SLIT1: variants seen among roughly 807,000 people sequenced by gnomAD.
SLIT1 encodes the protein slit guidance ligand 1, also known as slit homolog 1 protein.
In SLIT1, 66 loss-of-function variants were observed where a neutral mutation model predicts 186.1. That is an observed-to-expected ratio of 0.35 (90% CI 0.29 to 0.44). The LOEUF is 0.44. SLIT1 is among the 20% of genes least tolerant of loss of function. The pLI is 1.00. For missense variants in SLIT1, 1,638 were observed against 2,037.4 expected (o/e 0.80, Z 3.77); for synonymous variants, 761 against 833.8 (o/e 0.91, Z 1.50).
At position 97,060,721 on chromosome 10, in the gene SLIT1, G is replaced by C; in HGVS notation, c.860C>G (p.Thr287Ser). The C allele has an allele frequency of 6.2e-7, 1 of 1,613,826 alleles. No individual in the cohort carries two copies. Among genetic ancestry groups the C allele is most frequent in the Non-Finnish European group, 8.5e-7 (1 of 1,180,008 alleles). ...LSSGSCPAMC[T>S]CSNGIVDCRG... The stretch of plus-strand genomic sequence containing the variant: ...ACAGTCCACGATGCCATTGCTGCAG[G>C]TGCACATGGCCGGGCAGGAGCCGGA... The change falls in exon 9 of 37, where the codon ACC becomes AGC. Residue 287 changes from threonine (T) to serine (S), a missense_variant. Physicochemically the swap from Thr to Ser is moderately conservative, Grantham distance 58. This residue lies in a region of SLIT1 where 1,245 missense variants were observed against 1,535.3 expected (regional missense o/e 0.81). Transcript: ENST00000266058.
chr10:97,150,773 G>A (rs2134712563), intron 4 of SLIT1, among the ~76,000 whole-genome samples: 1 of 152,306 alleles, frequency 6.6e-6, no homozygotes, highest in African/African-American at 2.4e-5. Flanking sequence ...AGGCCAAGGA[G>A]GCGGCATGCG....
chr10:97,067,034 T>G (rs1007758044), intron 4 of SLIT1, among the ~76,000 whole-genome samples: 1 of 152,188 alleles, frequency 6.6e-6, no homozygotes, highest in African/African-American at 2.4e-5. Context: ...TTGGCTCCGG[T>G]GACCCAGTTG....
chr10:97,055,077 C>T (rs1351104444), intron 13 of SLIT1, among the ~76,000 whole-genome samples: 2 of 151,978 alleles, frequency 1.3e-5, no homozygotes, highest in Admixed American at 6.6e-5. Context: ...ATTAGCCAGG[C>T]GTGGTGACGG....
Position 97,004,122 on chromosome 10 carries a change from C to A in SLIT1, c.3811G>T (p.Asp1271Tyr). 6.2e-7 allele frequency: 1 copy of A among 1,613,854 alleles called. No homozygotes were observed. The highest frequency in any genetic ancestry group is 8.5e-7 in the Non-Finnish European group (1 of 1,179,730). The part of the protein sequence containing the change: ...SIDGGSPMTM[D>Y]NFGKHYTLNS... ...AGCGTGTAATGTTTGCCAAAGTTGT[C>A]CATGGTCATGGGGCTCCCGCCATCA... The change falls in exon 34 of 37, where the codon GAC (aspartate) becomes TAC (tyrosine). Residue 1271 changes from aspartate (D) to tyrosine (Y), a missense_variant. Physicochemically the swap from Asp to Tyr is radical, Grantham distance 160. Transcript: ENST00000266058. The surrounding 1 kb of genome is among the most constrained non-coding windows in gnomAD (Gnocchi z 5.1).
rs1363090796 is a variant in SLIT1 at position 97,000,622 on chromosome 10, C to T, written c.*490G>A. On this transcript the variant is annotated 3_prime_UTR_variant, in exon 37 of 37. Coordinates refer to ENST00000266058, the MANE Select transcript of SLIT1 (RefSeq NM_003061.3). The stretch of plus-strand genomic sequence containing the variant: ...CAGATTCTGTAGCAGCAGAATGAAC[C>T]AGGCTGGCTTCCCGGGGAGGCTGAC... 6.5e-6 allele frequency: 1 copy of T among 153,892 alleles called. No individual in the cohort carries two copies. Among genetic ancestry groups the T allele is most frequent in the Non-Finnish European group, 1.4e-5 (1 of 69,284 alleles). The allele number at this position is 153,892 out of a possible 1,614,324, so 9.5% of individuals were successfully genotyped here. A position where few individuals can be genotyped will look rare whatever the true frequency, so the allele number is the denominator to read the frequency against.
rs1291237584 is a variant in SLIT1, at chr10:97,043,835, C to T, written c.1854-322G>A. Among the ~76,000 whole-genome samples, 6 of 152,240 alleles carry T rather than the reference C, an allele frequency of 3.9e-5. No individual in the cohort carries two copies. The highest frequency in any genetic ancestry group is 9.6e-5 in the African/African-American group (4 of 41,456). On this transcript the variant is annotated intron_variant, in intron 18 of 36. Coordinates refer to ENST00000266058, the MANE Select transcript of SLIT1 (RefSeq NM_003061.3). This position sits in a 1 kb window ranked among gnomAD's most constrained non-coding sequence, Gnocchi z 7.0. ...CTGCCCGTCTTTAGGCCATGCTCCA[C>T]ATCAGTGCCCAGGAGACTTCCTGAA...
intron 4 of SLIT1, among the ~76,000 whole-genome samples, chr10:97,070,290 T>C (rs917572513): frequency 6.6e-6 from 1 of 152,234 alleles, no homozygotes; most frequent in African/African-American, 2.4e-5. Flanking sequence ...TCATCCAGCG[T>C]TGCTTTGAGG....
chr10:97,028,058 A>C (rs1848561613), intron 25 of SLIT1, among the ~76,000 whole-genome samples: 1 of 152,226 alleles, frequency 6.6e-6, no homozygotes, highest in South Asian at 2.1e-4. Flanking sequence ...GGTGCCCAGC[A>C]GAGACAAGCA....
At chr10:97,159,239 C>G (rs760566759) in intron 3 of SLIT1, among the ~76,000 whole-genome samples, 1 of 152,192 alleles carries the variant, frequency 6.6e-6, no homozygotes, top group Non-Finnish European at 1.5e-5. Context: ...CATCCTTCAT[C>G]TAATATGTGA....
chr10:97,057,149 G>A (rs1848847901), intron 12 of SLIT1, 61 bp downstream of exon 12: 2 of 1,363,774 alleles, frequency 1.5e-6, no homozygotes, highest in Non-Finnish European at 2.1e-6. Context: ...CAGTCTAGCA[G>A]GCCAGAGGAA....
intron 32 of SLIT1, among the ~76,000 whole-genome samples, chr10:97,005,378 A>G (rs1401852754): frequency 6.6e-6 from 1 of 152,216 alleles, no homozygotes. Context: ...TGTAGGAGCC[A>G]TGATCATTTT....
Position 97,021,526 on chromosome 10 carries a change from T to C in SLIT1, c.2583-113A>G. ...GGGCTGGCAAAAATCTTAGCCTCCA[T>C]TTCATGAGCATTTACTGTATAGTCA... On this transcript the variant is annotated intron_variant, in intron 25 of 36. Coordinates refer to ENST00000266058, the MANE Select transcript of SLIT1 (RefSeq NM_003061.3). This position sits in a 1 kb window ranked among gnomAD's most constrained non-coding sequence, Gnocchi z 4.5. 1.1e-6 allele frequency: 1 copy of C among 908,082 alleles called. No homozygotes were observed. Among genetic ancestry groups the C allele is most frequent in the East Asian group, 2.7e-5 (1 of 37,038 alleles). The allele number at this position is 908,082 out of a possible 1,614,324, so 56.3% of individuals were successfully genotyped here.
chr10:97,146,801 C>T (rs371088665), intron 4 of SLIT1, among the ~76,000 whole-genome samples: 8 of 152,140 alleles, frequency 5.3e-5, no homozygotes, highest in African/African-American at 1.9e-4. Context: ...CTTTTTTCAG[C>T]CTTCGGACAG....
intron 4 of SLIT1, among the ~76,000 whole-genome samples, chr10:97,131,496 C>T (rs540841447): frequency 3.3e-5 from 5 of 152,236 alleles, no homozygotes; most frequent in Admixed American, 6.5e-5. Context: ...TGGCCAACAA[C>T]ACACTCACCG....
Position 97,185,835 on chromosome 10 carries a change from G to T in SLIT1, c.-161C>A. ...GCTGGGAGGCACCTTGCTCCTCCAA[G>T]CGACGGCGCCTGTGCGCGGACGGAG... On this transcript the variant is annotated 5_prime_UTR_variant, in exon 1 of 37. Coordinates refer to ENST00000266058, the MANE Select transcript of SLIT1 (RefSeq NM_003061.3). The T allele has an allele frequency of 5.1e-6, 3 of 587,548 alleles. No individual in the cohort carries two copies. The highest frequency in any genetic ancestry group is 5.4e-6 in the Non-Finnish European group (2 of 367,372). The allele number at this position is 587,548 out of a possible 1,614,324, so 36.4% of individuals were successfully genotyped here.
At chr10:97,020,113 G>A (rs1448393749) in intron 26 of SLIT1, among the ~76,000 whole-genome samples, 1 of 151,886 alleles carries the variant, frequency 6.6e-6, no homozygotes, top group African/African-American at 2.4e-5. Context: ...TGGGACTACA[G>A]GCACACACCA....
At chr10:97,162,474 G>A (rs182976686) in intron 3 of SLIT1, among the ~76,000 whole-genome samples, 233 of 152,202 alleles carry the variant, frequency 1.5e-3, no homozygotes, top group African/African-American at 5.0e-3. Context: ...TTAGCCAGGC[G>A]TGGTGGCATG....
chr10:97,161,034 G>C (rs1227182756), intron 3 of SLIT1, among the ~76,000 whole-genome samples: 1 of 152,138 alleles, frequency 6.6e-6, no homozygotes, highest in African/African-American at 2.4e-5. Flanking sequence ...TGGTATGTGT[G>C]GTTTTTAATG....
chr10:97,135,565 G>T (rs995818943), intron 4 of SLIT1, among the ~76,000 whole-genome samples: 23 of 152,170 alleles, frequency 1.5e-4, no homozygotes, highest in Admixed American at 9.2e-4. Flanking sequence ...TGAGGAAGCC[G>T]GGGTGGAAGC....
Sources: allele counts gnomAD v4.1 joint callset (sites outside exome capture counted in the v4.1 genomes callset), GRCh38; gene constraint gnomAD v4.1.1; regional missense constraint gnomAD v4.1.1; non-coding constraint Gnocchi (gnomAD v3.1); transcripts MANE v1.5; gene names NCBI Gene and HGNC (gene_info 2026-07-23, HGNC 2026-07-21).